Variants in EPM2A observed in about 807,000 individuals in gnomAD.
EPM2A encodes EPM2A glucan phosphatase, laforin.
A neutral mutation model predicts 26.5 loss-of-function variants in EPM2A; 21 were observed. That is an observed-to-expected ratio of 0.79 (90% CI 0.56 to 1.14). The LOEUF is 1.14. Ranked by LOEUF, EPM2A falls within the 50% of genes most tolerant of loss-of-function variation. EPM2A has a pLI of 0.00. For missense variants in EPM2A, 458 were observed against 440.8 expected (o/e 1.04, Z -0.35); for synonymous variants, 217 against 177.6 (o/e 1.22, Z -1.76).
At chr6:145,724,968 A>C (rs1445167564) in intron 1 of EPM2A, among the ~76,000 whole-genome samples, 8 of 152,026 alleles carry the variant, frequency 5.3e-5, no homozygotes, top group Non-Finnish European at 1.0e-4. Context: ...ATAATCCATG[A>C]AAGAAAAAAA....
Position 145,590,785 on chromosome 6 carries a change from T to C in EPM2A, c.340+44460A>G, listed in dbSNP as rs114203079. Among the ~76,000 whole-genome samples the C allele has an allele frequency of 1.4e-3, 208 of 152,244 alleles. 1 individual carries two copies. The highest frequency in any genetic ancestry group is 4.9e-3 in the African/African-American group (202 of 41,546). Reference sequence around the variant, plus strand: ...CACACTAAAGGCCCATTTACCACAGTTCCTTTTACCCAATACATCATGCTC... The same window carrying C: ...CACACTAAAGGCCCATTTACCACAGCTCCTTTTACCCAATACATCATGCTC... On this transcript the variant is annotated intron_variant, in intron 2 of 3. Coordinates refer to the EPM2A transcript ENST00000450221.
At chr6:145,400,385 C>T (rs1044087407) in intron 4 of EPM2A, among the ~76,000 whole-genome samples, 4 of 152,172 alleles carry the variant, frequency 2.6e-5, no homozygotes, top group African/African-American at 9.7e-5. Context: ...ATACTCCCTC[C>T]CTCACTAAAG....
At chr6:145,676,536 C>A (rs527876482) in intron 2 of EPM2A, among the ~76,000 whole-genome samples, 1 of 151,430 alleles carries the variant, frequency 6.6e-6, no homozygotes, top group East Asian at 1.9e-4. Context: ...GCTAGCAAGA[C>A]AAATAAAGAA....
chr6:145,723,375 CAAAT>C (rs941194410), intron 1 of EPM2A, among the ~76,000 whole-genome samples: 4 of 151,990 alleles, frequency 2.6e-5, no homozygotes, highest in African/African-American at 7.2e-5. Context: ...AGTTCCAAAA[CAAAT>C]AATCTAATTT....
Position 145,735,290 on chromosome 6 carries a change from T to A in EPM2A, c.209A>T (p.Glu70Val), listed in dbSNP as rs796052426. The change falls in exon 1 of 4, where the codon GAG becomes GTG. Residue 70 changes from glutamate to valine, a missense_variant. Coordinates refer to ENST00000367519, the MANE Select transcript of EPM2A (RefSeq NM_005670.4). Reference protein sequence around the residue: ...WLGEVELAAEEAAQDGAEPGR... With the variant: ...WLGEVELAAEVAAQDGAEPGR... Reference sequence around the variant, plus strand: ...CGGCTCCGCCCCGTCCTGCGCCGCCTCCTCGGCCGCCAGCTCCACCTCCCC... The same window carrying A: ...CGGCTCCGCCCCGTCCTGCGCCGCCACCTCGGCCGCCAGCTCCACCTCCCC... 7 of 1,452,894 alleles carry A rather than the reference T, an allele frequency of 4.8e-6. No homozygotes were observed. The South Asian group carries it at 8.8e-5, about 18-fold the overall frequency. 90.0% of individuals were successfully genotyped at this position (1,452,894 alleles called of 1,614,324 possible). A position where few individuals can be genotyped will look rare whatever the true frequency, so the allele number is the denominator to read the frequency against.
At chr6:145,534,967 G>A (rs1302144401) in intron 2 of EPM2A, among the ~76,000 whole-genome samples, 4 of 152,182 alleles carry the variant, frequency 2.6e-5, no homozygotes, top group Non-Finnish European at 5.9e-5. Flanking sequence ...TTCACTAACA[G>A]AGCAGGCACA....
downstream of EPM2A, among the ~76,000 whole-genome samples, chr6:145,496,731 T>TTTTTTGTTTTTTTG (rs1562358309): frequency 8.3e-6 from 1 of 120,188 alleles, no homozygotes; most frequent in Non-Finnish European, 1.9e-5. Context: ...TCCTGCAATT[T>TTTTTTGTTTTTTTG]TTTTTTTTTT....
chr6:145,446,014 GA>G (rs1450633607), intron 4 of EPM2A, among the ~76,000 whole-genome samples: 43 of 152,200 alleles, frequency 2.8e-4, no homozygotes, highest in Non-Finnish European at 5.6e-4. Flanking sequence ...TATACTGAGA[GA>G]ACAATGGTAG....
At chr6:145,608,506 C>T (rs1029587864) in intron 2 of EPM2A, among the ~76,000 whole-genome samples, 1 of 152,002 alleles carries the variant, frequency 6.6e-6, no homozygotes, top group African/African-American at 2.4e-5. Flanking sequence ...TTTGTTTCAC[C>T]CATACCACGT....
intron 1 of EPM2A, among the ~76,000 whole-genome samples, chr6:145,709,266 G>A (rs1471937686): frequency 6.6e-6 from 1 of 152,166 alleles, no homozygotes; most frequent in African/African-American, 2.4e-5. Flanking sequence ...AGATTTTAGA[G>A]GGGCCAGGGC....
chr6:145,619,671 TTA>T (rs1351081395), intron 2 of EPM2A, among the ~76,000 whole-genome samples: 2 of 152,024 alleles, frequency 1.3e-5, no homozygotes, highest in African/African-American at 4.8e-5. Flanking sequence ...GCAATGAAGA[TTA>T]TGTCCCCACC....
At position 145,635,228 on chromosome 6, in the gene EPM2A, A is replaced by T; in HGVS notation, c.718+17T>A. ...CTCTGAAATACAGCAAGGAGGCAGA[A>T]CAGTTCTGATCCTTACCTTCGGTGC... On this transcript the variant is annotated intron_variant, in intron 3 of 3. Coordinates refer to ENST00000367519, the MANE Select transcript of EPM2A (RefSeq NM_005670.4). 2.5e-6 allele frequency: 4 copies of T among 1,614,136 alleles called. No individual in the cohort carries two copies. Among genetic ancestry groups the T allele is most frequent in the Non-Finnish European group, 3.4e-6 (4 of 1,179,984 alleles).
At chr6:145,622,809 T>G (rs779257085), downstream of EPM2A, among the ~76,000 whole-genome samples, 1 of 152,208 alleles carries the variant, frequency 6.6e-6, no homozygotes, top group Non-Finnish European at 1.5e-5. Flanking sequence ...AAATTTCTGT[T>G]GCTTAAGCCT....
rs532232871 is a variant in EPM2A at position 145,731,698 on chromosome 6, A to G, written c.301+3500T>C. On this transcript the variant is annotated intron_variant, in intron 1 of 3. Transcript: ENST00000367519. ...CAGCAAACCACCATGGCACATGTATAATACTTATGTAACAAAACTGCACAT... is the reference window on the plus strand; with the variant it reads ...CAGCAAACCACCATGGCACATGTATGATACTTATGTAACAAAACTGCACAT... Among the ~76,000 whole-genome samples the G allele has an allele frequency of 1.8e-4, 28 of 152,320 alleles. 1 individual carries two copies. The highest frequency in any genetic ancestry group is 6.0e-4 in the African/African-American group (25 of 41,576).
chr6:145,691,126 CAA>C (rs1226418015), intron 1 of EPM2A, among the ~76,000 whole-genome samples: 1 of 151,968 alleles, frequency 6.6e-6, no homozygotes, highest in Non-Finnish European at 1.5e-5. Context: ...TCAAATTTGG[CAA>C]GAGGCAAAAC....
intron 4 of EPM2A, among the ~76,000 whole-genome samples, chr6:145,489,038 T>G (rs1779721181): frequency 6.6e-6 from 1 of 152,170 alleles, no homozygotes; most frequent in Non-Finnish European, 1.5e-5. Flanking sequence ...AAACGGCACA[T>G]GGGTATGGAT....
intron 1 of EPM2A, among the ~76,000 whole-genome samples, chr6:145,713,467 C>A (rs2128633317): frequency 1.3e-5 from 2 of 152,232 alleles, no homozygotes; most frequent in South Asian, 4.1e-4. Flanking sequence ...TCCATATTGA[C>A]ATAAAGCCAA....
At chr6:145,547,498 G>A (rs1229353408) in intron 2 of EPM2A, among the ~76,000 whole-genome samples, 1 of 152,080 alleles carries the variant, frequency 6.6e-6, no homozygotes, top group Non-Finnish European at 1.5e-5. Context: ...ACTTTTATGG[G>A]TTTAAGCCTT....
At chr6:145,454,182 T>C (rs780414178) in intron 4 of EPM2A, among the ~76,000 whole-genome samples, 2 of 152,220 alleles carry the variant, frequency 1.3e-5, no homozygotes, top group Non-Finnish European at 2.9e-5. Flanking sequence ...TTCAATAATA[T>C]GGTAGATTAG....
Sources: allele counts gnomAD v4.1 joint callset (sites outside exome capture counted in the v4.1 genomes callset), GRCh38; gene constraint gnomAD v4.1.1; transcripts MANE v1.5; gene names NCBI Gene and HGNC (gene_info 2026-07-23, HGNC 2026-07-21).